The following NAV2 variants were observed in gnomAD, a reference collection of about 807,000 sequenced individuals.
The protein encoded by NAV2 is neuron navigator 2, also known as helicase, APC down-regulated 1.
NAV2 carries 54 observed loss-of-function variants against 223.2 expected under a neutral mutation model. The ratio of observed to expected loss-of-function variants is 0.24; its 90% CI spans 0.19 to 0.30. NAV2 has a LOEUF of 0.30. NAV2 is among the 10% of genes least tolerant of loss of function. The probability of loss-of-function intolerance (pLI) is 1.00; values close to 1 mark genes in which losing one functional copy is unlikely to be tolerated. For missense variants in NAV2, 2,806 were observed against 3,147.5 expected, an observed-to-expected ratio of 0.89 and a Z score of 2.60; for synonymous variants, 1,279 against 1,239.3, an observed-to-expected ratio of 1.03 and a Z score of -0.67.
intron 1 of NAV2, among the ~76,000 whole-genome samples, chr11:19,810,547 A>G (rs1057024080): frequency 1.3e-5 from 2 of 152,254 alleles, no homozygotes; most frequent in East Asian, 1.9e-4. Context: ...GACATGCTAT[A>G]TAGATCAGTA....
chr11:19,985,266 C>G (rs1053322602), intron 11 of NAV2, among the ~76,000 whole-genome samples: 1 of 152,172 alleles, frequency 6.6e-6, no homozygotes, highest in Non-Finnish European at 1.5e-5. Flanking sequence ...TGAAATCACA[C>G]CCAGAGATGG....
chr11:19,532,411 G>T (rs1370032151), intron 1 of NAV2, among the ~76,000 whole-genome samples: 2 of 152,172 alleles, frequency 1.3e-5, no homozygotes, highest in Non-Finnish European at 2.9e-5. Flanking sequence ...AAGTCCATCT[G>T]TTTCTTTCTC....
rs116320337 is a variant in NAV2 at position 19,694,133 on chromosome 11, T to C, written c.76-138351T>C. Reference sequence around the variant, plus strand: ...AGACGCTAAGATGAGGATTTGTGACTTATTGAAGAAGGGCTCCCAGGACAA... The same window carrying C: ...AGACGCTAAGATGAGGATTTGTGACCTATTGAAGAAGGGCTCCCAGGACAA... On this transcript the variant is annotated intron_variant, in intron 1 of 37. Coordinates refer to the NAV2 transcript ENST00000360655. 1.9e-3 allele frequency among the ~76,000 whole-genome samples: 296 copies of C among 152,282 alleles called. 1 individual carries two copies. The highest frequency in any genetic ancestry group is 6.9e-3 in the African/African-American group (285 of 41,556).
rs574451455 is a variant in NAV2, at chr11:19,923,565, A to G, written c.932-9611A>G. ...CCATCCTTGCCCCAATAGAAAGCAG[A>G]AAGATTGGGCTGGGCTCCTAGAGGA... On this transcript the variant is annotated intron_variant, in intron 6 of 37. Coordinates refer to ENST00000349880, the MANE Select transcript of NAV2 (RefSeq NM_145117.5). Among the ~76,000 whole-genome samples, 4 of 152,330 alleles carry G rather than the reference A, an allele frequency of 2.6e-5. No homozygotes were observed. In the South Asian group the frequency reaches 8.3e-4, roughly 32 times the overall value.
intron 1 of NAV2, among the ~76,000 whole-genome samples, chr11:19,567,192 G>A (rs1465563724): frequency 1.3e-5 from 2 of 152,110 alleles, no homozygotes; most frequent in Admixed American, 6.6e-5. Flanking sequence ...CAGGATGACC[G>A]GGTGCAACTG....
At chr11:19,542,262 G>A (rs1350797228) in intron 1 of NAV2, among the ~76,000 whole-genome samples, 1 of 152,208 alleles carries the variant, frequency 6.6e-6, no homozygotes, top group Non-Finnish European at 1.5e-5. Flanking sequence ...CTCACCACCT[G>A]CCAGACACTA....
At chr11:19,795,102 G>T (rs1053234519) in intron 1 of NAV2, among the ~76,000 whole-genome samples, 1 of 152,180 alleles carries the variant, frequency 6.6e-6, no homozygotes, top group Non-Finnish European at 1.5e-5. Flanking sequence ...CACAGTCTGC[G>T]CAAGGCTATT....
At chr11:19,968,742 C>G (rs1164404539) in intron 10 of NAV2, among the ~76,000 whole-genome samples, 1 of 152,200 alleles carries the variant, frequency 6.6e-6, no homozygotes, top group Non-Finnish European at 1.5e-5. Flanking sequence ...GTCACTATGA[C>G]CAGCTCCTGG....
chr11:19,950,352 G>A (rs569163154), intron 10 of NAV2, among the ~76,000 whole-genome samples: 1 of 152,252 alleles, frequency 6.6e-6, no homozygotes, highest in Non-Finnish European at 1.5e-5. Flanking sequence ...ATCCTTTGAG[G>A]TAGATGATAT....
At chr11:20,054,632 A>C (rs2058249859) in intron 18 of NAV2, among the ~76,000 whole-genome samples, 1 of 152,224 alleles carries the variant, frequency 6.6e-6, no homozygotes, top group Admixed American at 6.5e-5. Context: ...TTCTTTTTCT[A>C]AGACCTCTGA....
intron 1 of NAV2, among the ~76,000 whole-genome samples, chr11:19,445,487 T>G (rs1851550765): frequency 6.6e-6 from 1 of 152,182 alleles, no homozygotes; most frequent in Admixed American, 6.5e-5. Flanking sequence ...ATCCCCACTT[T>G]ATAGATAAGG....
Position 19,880,124 on chromosome 11 carries a change from C to T in NAV2, c.767C>T (p.Ser256Phe). The T allele has an allele frequency of 6.3e-7, 1 of 1,578,780 alleles. No homozygotes were observed. Among genetic ancestry groups the T allele is most frequent in the Non-Finnish European group, 8.6e-7 (1 of 1,161,182 alleles). ...QQSKAQAEMQ[S>F]RLPGPTARVS... Reference sequence around the variant, plus strand: ...TCAAAAGCACAAGCTGAAATGCAGTCCAGGTGGGGGCTCCTTGCCAACTGA... The same window carrying T: ...TCAAAAGCACAAGCTGAAATGCAGTTCAGGTGGGGGCTCCTTGCCAACTGA... Residue 256 changes from serine (S) to phenylalanine (F), a missense_variant, in exon 5 of 38, where the codon TCC becomes TTC. Coordinates refer to ENST00000349880, the MANE Select transcript of NAV2 (RefSeq NM_145117.5).
intron 1 of NAV2, among the ~76,000 whole-genome samples, chr11:19,807,347 C>A (rs183822882): frequency 1.6e-4 from 24 of 152,346 alleles, no homozygotes. Context: ...GCTCCACCCC[C>A]AGGGAGCTAC....
chr11:19,521,609 C>T (rs1293272113), intron 1 of NAV2, among the ~76,000 whole-genome samples: 1 of 152,148 alleles, frequency 6.6e-6, no homozygotes, highest in Non-Finnish European at 1.5e-5. Flanking sequence ...GCTCCTTACC[C>T]TATCTGCCAC....
intron 33 of NAV2, 122 bp downstream of exon 33, chr11:20,103,531 G>A (rs1389644011): frequency 9.5e-6 from 14 of 1,480,620 alleles, no homozygotes; most frequent in Non-Finnish European, 1.3e-5. Context: ...GCATAGGGTT[G>A]GGAGTGGGAG....
At chr11:19,464,583 C>T (rs1375178977) in intron 1 of NAV2, among the ~76,000 whole-genome samples, 1 of 152,174 alleles carries the variant, frequency 6.6e-6, no homozygotes, top group African/African-American at 2.4e-5. Context: ...ATCACACTAT[C>T]CAAATTTCCT....
At chr11:19,623,276 G>A (rs1445346833) in intron 1 of NAV2, among the ~76,000 whole-genome samples, 4 of 152,064 alleles carry the variant, frequency 2.6e-5, no homozygotes, top group African/African-American at 9.7e-5. Flanking sequence ...TATCTTTGTG[G>A]CATTCTCTGT....
chr11:20,046,775 G>A (rs4757885), intron 14 of NAV2, among the ~76,000 whole-genome samples: 129,000 of 152,168 alleles, frequency 0.85, 54,782 homozygotes, highest in South Asian at 0.91. Context: ...AATTTATTCA[G>A]CTTTTGCCTG....
At chr11:19,697,670 G>C (rs1481218448) in intron 1 of NAV2, among the ~76,000 whole-genome samples, 2 of 152,152 alleles carry the variant, frequency 1.3e-5, no homozygotes, top group Non-Finnish European at 2.9e-5. Flanking sequence ...TTTTAGTTAG[G>C]TGATTGGAAT....
Sources: allele counts gnomAD v4.1 joint callset (sites outside exome capture counted in the v4.1 genomes callset), GRCh38; gene constraint gnomAD v4.1.1; transcripts MANE v1.5; gene names NCBI Gene and HGNC (gene_info 2026-07-23, HGNC 2026-07-21).